TRDN: variants seen among roughly 807,000 people sequenced by gnomAD.
The protein encoded by TRDN is triadin in skeletal muscle.
A neutral mutation model predicts 149.7 loss-of-function variants in TRDN; 161 were observed. That is an observed-to-expected ratio of 1.08 (90% CI 0.95 to 1.23). The LOEUF (loss-of-function observed/expected upper bound fraction) is 1.23. TRDN is among the 50% of genes most tolerant of loss of function. The pLI, the probability that TRDN is intolerant of heterozygous loss-of-function variation, is 0.00. For missense variants in TRDN, 896 were observed against 823.5 expected, an observed-to-expected ratio of 1.09 and a Z score of -1.08; for synonymous variants, 294 against 250.5, an observed-to-expected ratio of 1.17 and a Z score of -1.64.
intron 21 of TRDN, among the ~76,000 whole-genome samples, chr6:123,345,235 A>G (rs559302763): frequency 6.6e-6 from 1 of 152,028 alleles, no homozygotes; most frequent in South Asian, 2.1e-4. Context: ...CGTAAAGACT[A>G]TTTTTGAGGG....
At position 123,584,726 on chromosome 6, in the gene TRDN, CAA is replaced by C. The variant is rs1393757923; in HGVS notation, c.23-13596_23-13595del. ...TGTCAGGGTCAGTCCAAGTGAAAGC[CAA>C]GAGAGGCTGGGATGAAGGGTGGAAA... On this transcript the variant is annotated intron_variant, in intron 1 of 40. Coordinates refer to ENST00000334268, the MANE Select transcript of TRDN (RefSeq NM_006073.4). Among the ~76,000 whole-genome samples the C allele has an allele frequency of 1.4e-4, 21 of 151,998 alleles. 1 individual carries two copies. In the East Asian group the frequency reaches 3.7e-3, roughly 27 times the overall value.
chr6:123,425,393 T>C (rs1774081201), intron 12 of TRDN, among the ~76,000 whole-genome samples: 1 of 151,868 alleles, frequency 6.6e-6, no homozygotes, highest in Admixed American at 6.6e-5. Flanking sequence ...AAGGTGTGAT[T>C]TTGGAGTTCA....
intron 23 of TRDN, among the ~76,000 whole-genome samples, chr6:123,320,125 A>T (rs1372658054): frequency 6.8e-6 from 1 of 147,120 alleles, no homozygotes; most frequent in African/African-American, 2.6e-5. Flanking sequence ...TAAATATCAT[A>T]GATTTTTTTC....
chr6:123,252,487 A>T, intron 37 of TRDN, 52 bp from the exon 38 acceptor site: 2 of 1,015,558 alleles, frequency 2.0e-6, no homozygotes, highest in African/African-American at 3.2e-5. Flanking sequence ...AATGCAAGGA[A>T]ATTATAAATC....
chr6:123,551,223 T>TATA (rs1311778479), intron 2 of TRDN, among the ~76,000 whole-genome samples: 3 of 137,514 alleles, frequency 2.2e-5, no homozygotes, highest in African/African-American at 8.2e-5. Flanking sequence ...TATATATATA[T>TATA]TGCCTGGTTC....
chr6:123,249,210 G>T (rs1362507558), intron 38 of TRDN, among the ~76,000 whole-genome samples: 1 of 151,924 alleles, frequency 6.6e-6, no homozygotes, highest in Non-Finnish European at 1.5e-5. Context: ...TACTAATTAT[G>T]ACAGAAATTA....
chr6:123,598,666 T>C (rs1369518891), intron 1 of TRDN, among the ~76,000 whole-genome samples: 1 of 152,102 alleles, frequency 6.6e-6, no homozygotes, highest in Admixed American at 6.6e-5. Flanking sequence ...CATTTTCATA[T>C]TGCATTTTGT....
chr6:123,534,250 A>AAC (rs1450139373), intron 4 of TRDN, among the ~76,000 whole-genome samples: 1 of 152,232 alleles, frequency 6.6e-6, no homozygotes, highest in Non-Finnish European at 1.5e-5. Flanking sequence ...AGCATGGCAA[A>AAC]ACACAGCAGA....
chr6:123,433,161 T>A (rs1427396547), intron 12 of TRDN, among the ~76,000 whole-genome samples: 5 of 39,598 alleles, frequency 1.3e-4, no homozygotes, highest in Non-Finnish European at 2.1e-4. Flanking sequence ...TATATATATA[T>A]AATATATATA....
At chr6:123,379,917 C>T (rs1329362711) in intron 16 of TRDN, among the ~76,000 whole-genome samples, 1 of 152,038 alleles carries the variant, frequency 6.6e-6, no homozygotes, top group African/African-American at 2.4e-5. Context: ...GAAAAGTGAA[C>T]AACCTTTAAG....
chr6:123,619,982 A>G (rs1785296469), intron 1 of TRDN, among the ~76,000 whole-genome samples: 1 of 152,084 alleles, frequency 6.6e-6, no homozygotes, highest in Non-Finnish European at 1.5e-5. Context: ...CCAGGCAAAT[A>G]GTTTCTCTCT....
At chr6:123,612,976 T>A (rs1330365442) in intron 1 of TRDN, among the ~76,000 whole-genome samples, 1 of 152,208 alleles carries the variant, frequency 6.6e-6, no homozygotes, top group Non-Finnish European at 1.5e-5. Context: ...TAATTCCACC[T>A]ACTTATCATC....
intron 5 of TRDN, among the ~76,000 whole-genome samples, chr6:123,528,311 G>A (rs1361020069): frequency 2.7e-5 from 4 of 150,364 alleles, no homozygotes; most frequent in Non-Finnish European, 5.9e-5. Context: ...AATTATATAG[G>A]TGTAGACTCC....
chr6:123,367,734 G>A (rs892702056), intron 19 of TRDN, among the ~76,000 whole-genome samples: 2 of 152,318 alleles, frequency 1.3e-5, no homozygotes, highest in South Asian at 4.1e-4. Flanking sequence ...GTCTGATTCA[G>A]TATGTCGGAG....
intron 12 of TRDN, among the ~76,000 whole-genome samples, chr6:123,407,738 G>GA (rs1285894899): frequency 6.6e-6 from 1 of 151,894 alleles, no homozygotes; most frequent in Non-Finnish European, 1.5e-5. Context: ...AACAGCAAGG[G>GA]AAAAAAGCAT....
chr6:123,349,926 T>C, intron 21 of TRDN: 4 of 982,196 alleles, frequency 4.1e-6, no homozygotes, highest in Non-Finnish European at 4.8e-6. Flanking sequence ...CTATTACAAT[T>C]ATGTAGGGAA....
chr6:123,356,514 T>TATATATATATATACATATATATATAC (rs1780684765), intron 20 of TRDN, among the ~76,000 whole-genome samples: 2 of 14,502 alleles, frequency 1.4e-4, no homozygotes, highest in African/African-American at 5.2e-4. Flanking sequence ...TATATATATA[T>TATATATATATATACATATATATATAC]ATATATATAT....
rs1778173108 is a variant in TRDN at position 123,490,633 on chromosome 6, C to A, written c.853+6560G>T. ...TTTGTGACAAGAACCTGAACCATTT[C>A]ATTTTGCTAAAAGAGCATGTCACAG... is the stretch of plus-strand genomic sequence containing the variant. On this transcript the variant is annotated intron_variant, in intron 9 of 40. Transcript: ENST00000334268. 2.0e-5 allele frequency among the ~76,000 whole-genome samples: 3 copies of A among 152,152 alleles called. No homozygotes were observed. In the South Asian group the frequency reaches 6.2e-4, roughly 32 times the overall value.
intron 12 of TRDN, among the ~76,000 whole-genome samples, chr6:123,398,155 C>A (rs1048745018): frequency 2.6e-5 from 4 of 152,216 alleles, no homozygotes; most frequent in Admixed American, 2.6e-4. Context: ...CAGGCGTCCG[C>A]CACTGCGCCC....
Sources: allele counts gnomAD v4.1 joint callset (sites outside exome capture counted in the v4.1 genomes callset), GRCh38; gene constraint gnomAD v4.1.1; transcripts MANE v1.5; gene names NCBI Gene and HGNC (gene_info 2026-07-23, HGNC 2026-07-21).